Variants in SGCB observed in about 807,000 individuals in gnomAD.
The protein encoded by SGCB is sarcoglycan beta.
Under a neutral mutation model 27.3 loss-of-function variants are expected in SGCB, and 25 were observed. The ratio of observed to expected loss-of-function variants is 0.92; its 90% CI spans 0.67 to 1.28. The LOEUF is 1.28. Ranked by LOEUF, SGCB falls within the 50% of genes most tolerant of loss-of-function variation. SGCB has a pLI of 0.00. For synonymous variants in SGCB, 147 were observed against 133.5 expected (o/e 1.10, Z -0.70); for missense variants, 436 against 402.1 (o/e 1.08, Z -0.72).
At position 52,028,736 on chromosome 4, in the gene SGCB, A is replaced by G; in HGVS notation, c.615T>C (p.Thr205=). 1.2e-6 allele frequency: 2 copies of G among 1,606,708 alleles called. No homozygotes were observed. The highest frequency in any genetic ancestry group is 1.7e-6 in the Non-Finnish European group (2 of 1,173,324). ...VKSLNVQKAS[T]ERITSNATSD... ...CAAAGCCAATAAATCATACCCTTTC[A>G]GTAGATGCCTTTTGAACATTCAAAC... is the stretch of plus-strand genomic sequence containing the variant. Residue 205 remains threonine (T), a synonymous_variant, in exon 4 of 6, where the codon ACT becomes ACC. Transcript: ENST00000381431.
intron 5 of SGCB, among the ~76,000 whole-genome samples, chr4:52,025,459 C>A (rs762813582): frequency 6.6e-6 from 1 of 151,986 alleles, no homozygotes. Flanking sequence ...TGCAAAGGCC[C>A]CGAGGTGAAG....
intron 2 of SGCB, chr4:52,031,771 T>C: frequency 2.6e-6 from 1 of 380,336 alleles, no homozygotes; most frequent in East Asian, 7.3e-5. Context: ...TGGCTCAGTA[T>C]TCATACTTAG....
intron 1 of SGCB, 87 bp downstream of exon 1, chr4:52,038,140 C>T (rs1217846876): frequency 1.8e-6 from 2 of 1,130,394 alleles, no homozygotes; most frequent in Non-Finnish European, 2.2e-6. Context: ...GCCCCCCGCA[C>T]CCCCGGCCAG....
Position 52,029,844 on chromosome 4 carries a change from G to A in SGCB, c.263C>T (p.Ala88Val). 6.2e-7 allele frequency: 1 copy of A among 1,613,492 alleles called. No homozygotes were observed. The highest frequency in any genetic ancestry group is 8.5e-7 in the Non-Finnish European group (1 of 1,179,558). The change falls in exon 3 of 6, where the codon GCC becomes GTC. Residue 88 changes from alanine to valine, a missense_variant. Ala to Val is a moderately conservative substitution (Grantham distance 64). Coordinates refer to ENST00000381431, the MANE Select transcript of SGCB (RefSeq NM_000232.5). ...GCCATTTGGTCCAATGCGAATCACG[G>A]CCCAAATAACAAGTGTTATCTGAAA... is the stretch of plus-strand genomic sequence containing the variant. ...INLIITLVIW[A>V]VIRIGPNGCD...
intron 4 of SGCB, 92 bp from the exon 5 acceptor site, chr4:52,028,191 G>A (rs1412622662): frequency 1.8e-5 from 18 of 982,690 alleles, no homozygotes; most frequent in East Asian, 7.5e-5. Flanking sequence ...TCAGTCATGA[G>A]AGATGAAAGT....
rs906198109 is a variant in SGCB at position 52,029,647 on chromosome 4, T to C, written c.429+31A>G. ...TTTTCTCTAATGCCCCTCTCCTGTTTGCATTTCTTTCAGTTAATGTGGCAA... is the reference window on the plus strand; with the variant it reads ...TTTTCTCTAATGCCCCTCTCCTGTTCGCATTTCTTTCAGTTAATGTGGCAA... On this transcript the variant is annotated intron_variant, in intron 3 of 5. Coordinates refer to ENST00000381431, the MANE Select transcript of SGCB (RefSeq NM_000232.5). 2.0e-6 allele frequency: 3 copies of C among 1,489,394 alleles called. No homozygotes were observed. The African/African-American group carries it at 4.1e-5, about 21-fold the overall frequency. 92.3% of individuals were successfully genotyped at this position (1,489,394 alleles called of 1,614,324 possible).
intron 1 of SGCB, among the ~76,000 whole-genome samples, chr4:52,037,400 A>AT (rs1337999337): frequency 2.0e-5 from 3 of 152,148 alleles, no homozygotes; most frequent in Non-Finnish European, 4.4e-5. Context: ...AACTTGACTC[A>AT]TTTTTTTCAA....
At chr4:52,027,215 A>G (rs900602595) in intron 5 of SGCB, among the ~76,000 whole-genome samples, 3 of 152,180 alleles carry the variant, frequency 2.0e-5, no homozygotes, top group African/African-American at 7.2e-5. Context: ...TAAATAGCAT[A>G]TTGCAGGTAC....
At chr4:52,024,829 A>C (rs76046482) in intron 5 of SGCB, among the ~76,000 whole-genome samples, 1 of 38,744 alleles carries the variant, frequency 2.6e-5, no homozygotes, top group African/African-American at 4.8e-5. Flanking sequence ...CACTGTCTCA[A>C]AAAAAAAAAA....
At chr4:52,033,399 C>A (rs1737300148) in intron 2 of SGCB, 32 bp downstream of exon 2, 1 of 1,412,524 alleles carries the variant, frequency 7.1e-7, no homozygotes, top group African/African-American at 1.4e-5. Flanking sequence ...TTCCCCATGG[C>A]AATTAAAATG....
At position 52,027,928 on chromosome 4, in the gene SGCB, G is replaced by C. The variant is rs1737143812; in HGVS notation, c.753+40C>G. On this transcript the variant is annotated intron_variant, in intron 5 of 5. Coordinates refer to ENST00000381431, the MANE Select transcript of SGCB (RefSeq NM_000232.5). ...TCCACATATGGATTTATGTACCCAA[G>C]AACCTAATAATTCTCTTAAGCTCTT... The C allele has an allele frequency of 4.4e-6, 7 of 1,575,550 alleles. No homozygotes were observed. The African/African-American group carries it at 8.1e-5, about 18-fold the overall frequency.
chr4:52,031,404 G>A (rs1429834459), intron 2 of SGCB, among the ~76,000 whole-genome samples: 4 of 38,054 alleles, frequency 1.1e-4, no homozygotes, highest in South Asian at 6.7e-4. Context: ...GTGTGTGTGT[G>A]TATGTGTGTG....
chr4:52,027,633 A>G (rs79947629), intron 5 of SGCB, among the ~76,000 whole-genome samples: 1 of 109,646 alleles, frequency 9.1e-6, no homozygotes, highest in Non-Finnish European at 2.1e-5. Context: ...ATCATTATAC[A>G]AAAAAAAAAA....
At chr4:52,036,699 G>C (rs116322758) in intron 1 of SGCB, among the ~76,000 whole-genome samples, 1 of 152,190 alleles carries the variant, frequency 6.6e-6, no homozygotes, top group East Asian at 1.9e-4. Context: ...GGCACAAAGG[G>C]GTCGAAGATG....
At chr4:52,037,950 C>T (rs1331659851) in intron 1 of SGCB, among the ~76,000 whole-genome samples, 1 of 152,182 alleles carries the variant, frequency 6.6e-6, no homozygotes, top group Non-Finnish European at 1.5e-5. Context: ...CGACCGCCTC[C>T]CAGGCTCTCC....
intron 2 of SGCB, among the ~76,000 whole-genome samples, chr4:52,032,840 A>G (rs780158558): frequency 2.0e-5 from 3 of 152,234 alleles, no homozygotes; most frequent in Non-Finnish European, 4.4e-5. Flanking sequence ...TCACAACTTC[A>G]GATTAAAAGG....
intron 5 of SGCB, among the ~76,000 whole-genome samples, chr4:52,024,583 C>T (rs1737037711): frequency 6.6e-6 from 1 of 152,082 alleles, no homozygotes; most frequent in Non-Finnish European, 1.5e-5. Context: ...AATCCCAGCA[C>T]TTTGGGAGGC....
chr4:52,031,912 T>A, intron 2 of SGCB: 1 of 456,106 alleles, frequency 2.2e-6, no homozygotes, highest in Non-Finnish European at 4.4e-6. Context: ...TCTATATGCA[T>A]CAGGAATCCC....
At chr4:52,032,109 C>T (rs1312977199) in intron 2 of SGCB, 5 of 347,602 alleles carry the variant, frequency 1.4e-5, no homozygotes, top group South Asian at 2.2e-5. Flanking sequence ...CAGAGACACA[C>T]TAGTTTTGTA....
Sources: gnomAD v4.1 joint callset for allele counts (sites outside exome capture counted in the v4.1 genomes callset) on GRCh38, gnomAD v4.1.1 for gene constraint, MANE v1.5 for transcripts, NCBI Gene and HGNC (gene_info 2026-07-23, HGNC 2026-07-21) for gene names.